The following ZNF398 variants were observed in gnomAD, a reference collection of about 807,000 sequenced individuals.
ZNF398 encodes the protein zinc finger DNA binding protein ZER6.
ZNF398 carries 18 observed loss-of-function variants against 41.9 expected under a neutral mutation model. The ratio of observed to expected loss-of-function variants is 0.43; its 90% CI spans 0.30 to 0.64. ZNF398 has a LOEUF of 0.64. ZNF398 is among the 30% of genes least tolerant of loss of function. ZNF398 has a pLI of 0.14. For missense variants in ZNF398, 669 were observed against 822.8 expected, an observed-to-expected ratio of 0.81 and a Z score of 2.29; for synonymous variants, 260 against 308.8, an observed-to-expected ratio of 0.84 and a Z score of 1.66.
chr7:149,177,466 T>G (rs1032324072), intron 5 of ZNF398, among the ~76,000 whole-genome samples: 1 of 152,132 alleles, frequency 6.6e-6, no homozygotes, highest in African/African-American at 2.4e-5. Flanking sequence ...CAGTTTTAGT[T>G]TAGGTATTTA....
At chr7:149,156,205 A>G (rs1794973172) in intron 2 of ZNF398, among the ~76,000 whole-genome samples, 1 of 151,972 alleles carries the variant, frequency 6.6e-6, no homozygotes, top group Non-Finnish European at 1.5e-5. Context: ...AGAACTGACA[A>G]TAAGAGTTAC....
intron 5 of ZNF398, among the ~76,000 whole-genome samples, chr7:149,177,077 A>T (rs1005902124): frequency 2.6e-5 from 4 of 152,156 alleles, no homozygotes; most frequent in African/African-American, 9.7e-5. Context: ...GAATCTCAAG[A>T]TCAGAAGGGT....
chr7:149,147,577 C>G lies in ZNF398; in HGVS notation c.-166C>G, dbSNP rs1201290826. On this transcript the variant is annotated 5_prime_UTR_variant, in exon 1 of 6. Coordinates refer to ENST00000475153, the MANE Select transcript of ZNF398 (RefSeq NM_170686.3). The surrounding 1 kb of genome is among the most constrained non-coding windows in gnomAD (Gnocchi z 5.6). Reference sequence around the variant, plus strand: ...GCGCCTCCGCCGCGTTCCTGCGCGTCCCGAGCCCCGACGGCCGCGTGAGTC... The same window carrying G: ...GCGCCTCCGCCGCGTTCCTGCGCGTGCCGAGCCCCGACGGCCGCGTGAGTC... 1.1e-5 allele frequency: 8 copies of G among 742,530 alleles called. No homozygotes were observed. The highest frequency in any genetic ancestry group is 3.7e-5 in the African/African-American group (2 of 53,936). The allele number at this position is 742,530 out of a possible 1,614,324, so 46.0% of individuals were successfully genotyped here.
At chr7:149,136,993 A>G (rs980378366) in intron 2 of ZNF398, among the ~76,000 whole-genome samples, 8 of 149,860 alleles carry the variant, frequency 5.3e-5, no homozygotes, top group African/African-American at 2.0e-4. Flanking sequence ...CAGCCTCCCA[A>G]GTAGCTGGGA....
chr7:149,178,863 A>G lies in ZNF398; in HGVS notation c.991A>G (p.Ser331Gly), dbSNP rs1563167604. The G allele has an allele frequency of 3.7e-6, 6 of 1,614,006 alleles. No individual in the cohort carries two copies. The highest frequency in any genetic ancestry group is 5.1e-6 in the Non-Finnish European group (6 of 1,179,988). Residue 331 changes from serine (S) to glycine (G), a missense_variant, in exon 6 of 6, where the codon AGC (serine) becomes GGC (glycine). This residue lies in a region of ZNF398 where 290 missense variants were observed against 292.9 expected (regional missense o/e 0.99). Coordinates refer to ENST00000475153, the MANE Select transcript of ZNF398 (RefSeq NM_170686.3). Reference protein sequence around the residue: ...EGQVTFTQLGSYPLPPPVGEQ... With the variant: ...EGQVTFTQLGGYPLPPPVGEQ... ...ACAAGTGACTTTTACTCAGTTGGGT[A>G]GCTATCCCCTCCCACCTCCAGTTGG...
Position 149,169,375 on chromosome 7 carries a change from G to A in ZNF398, c.661+2445G>A, listed in dbSNP as rs138980611. ...GCTGGGATTACAGGCATGAGCCACC[G>A]TGCCTGGCCTGTTATTTTCTGTTGG... On this transcript the variant is annotated intron_variant, in intron 4 of 5. Transcript: ENST00000475153. Among the ~76,000 whole-genome samples the A allele has an allele frequency of 7.3e-3, 1,110 of 152,136 alleles. 10 individuals are homozygous for A. Among genetic ancestry groups the A allele is most frequent in the African/African-American group, 0.011 (438 of 41,520 alleles).
In ZNF398 at chr7:149,179,280, C is replaced by T; in HGVS notation, c.1408C>T (p.Leu470Phe). Residue 470 changes from leucine (L) to phenylalanine (F), a missense_variant, in exon 6 of 6, where the codon CTC becomes TTC. By Grantham distance (22) the Leu-to-Phe change is conservative (BLOSUM62 0). Around this residue, in one of 3 missense-constraint regions of ZNF398, gnomAD observed 210 missense variants for 290.4 expected, o/e 0.72. Coordinates refer to ENST00000475153, the MANE Select transcript of ZNF398 (RefSeq NM_170686.3). The surrounding 1 kb of genome is among the most constrained non-coding windows in gnomAD (Gnocchi z 6.1). ...CAGGAGCTTCAGCTTGAAAATCAGC[C>T]TCCTGCTCCACCAGCGGGGTCATGC... Reference protein sequence around the residue: ...CGRSFSLKISLLLHQRGHAQE... With the variant: ...CGRSFSLKISFLLHQRGHAQE... 6.2e-7 allele frequency: 1 copy of T among 1,613,318 alleles called. No individual in the cohort carries two copies. The highest frequency in any genetic ancestry group is 8.5e-7 in the Non-Finnish European group (1 of 1,179,996).
chr7:149,156,282 G>A (rs542139158), intron 2 of ZNF398, among the ~76,000 whole-genome samples: 6 of 151,692 alleles, frequency 4.0e-5, no homozygotes, highest in South Asian at 4.2e-4. Context: ...TGAGGCGGGC[G>A]GATCATGAGG....
At chr7:149,166,635 C>T (rs893709079) in intron 3 of ZNF398, among the ~76,000 whole-genome samples, 182 bp from the exon 4 acceptor site, 1 of 152,184 alleles carries the variant, frequency 6.6e-6, no homozygotes, top group Non-Finnish European at 1.5e-5. Context: ...TACATCTCCA[C>T]TGCCTGCTTT....
intron 4 of ZNF398, among the ~76,000 whole-genome samples, chr7:149,168,554 C>A (rs1795270292): frequency 6.7e-6 from 1 of 149,616 alleles, no homozygotes; most frequent in African/African-American, 2.5e-5. Context: ...ATGTACACAT[C>A]TGCCTCACAT....
intron 2 of ZNF398, among the ~76,000 whole-genome samples, chr7:149,137,971 G>C (rs1402442207): frequency 1.3e-5 from 2 of 151,850 alleles, no homozygotes; most frequent in African/African-American, 4.8e-5. Context: ...AGGCCGAGGC[G>C]GGCGGATCAC....
intron 5 of ZNF398, among the ~76,000 whole-genome samples, chr7:149,176,914 G>T (rs1484127163): frequency 2.6e-5 from 4 of 151,922 alleles, no homozygotes; most frequent in African/African-American, 9.7e-5. Flanking sequence ...AGTGGGGTGG[G>T]GAGACAAGCC....
At chr7:149,162,297 G>A (rs562003641) in intron 2 of ZNF398, among the ~76,000 whole-genome samples, 40 of 151,916 alleles carry the variant, frequency 2.6e-4, no homozygotes, top group African/African-American at 8.9e-4. Context: ...TTCTCCTGCC[G>A]CAGCCTCCCG....
intron 2 of ZNF398, among the ~76,000 whole-genome samples, chr7:149,155,601 GA>G (rs1381945981): frequency 1.3e-5 from 2 of 150,616 alleles, no homozygotes; most frequent in Admixed American, 1.3e-4. Context: ...GGGCATTTAA[GA>G]CCAAGGAAAG....
intron 4 of ZNF398, among the ~76,000 whole-genome samples, chr7:149,170,693 C>A (rs1795315707): frequency 6.6e-6 from 1 of 151,872 alleles, no homozygotes; most frequent in African/African-American, 2.4e-5. Context: ...CGAGATTACA[C>A]CACTGCACTC....
chr7:149,140,108 T>C (rs1260933174), intron 2 of ZNF398, among the ~76,000 whole-genome samples: 1 of 152,206 alleles, frequency 6.6e-6, no homozygotes, highest in Non-Finnish European at 1.5e-5. Context: ...TATGAATATA[T>C]ATTTAATACT....
At chr7:149,145,930 T>G (rs1826928199), upstream of ZNF398, among the ~76,000 whole-genome samples, 3 of 148,642 alleles carry the variant, frequency 2.0e-5, no homozygotes, top group South Asian at 2.1e-4. Context: ...AAACACTTTG[T>G]TCTCGCAGGT....
Position 149,147,779 on chromosome 7 carries a change from G to C in ZNF398, c.24+13G>C. The C allele has an allele frequency of 1.4e-6, 2 of 1,394,432 alleles. No homozygotes were observed. Among genetic ancestry groups the C allele is most frequent in the Non-Finnish European group, 1.9e-6 (2 of 1,072,000 alleles). 86.4% of individuals were successfully genotyped at this position (1,394,432 alleles called of 1,614,324 possible). The stretch of plus-strand genomic sequence containing the variant: ...GGCCCCGGCCCCGGTAAGGGCGGCC[G>C]CGCGCGAGTGTTGTGAGCCCCCGAG... On this transcript the variant is annotated intron_variant, in intron 1 of 5. Transcript: ENST00000475153. This position sits in a 1 kb window ranked among gnomAD's most constrained non-coding sequence, Gnocchi z 5.6.
chr7:149,130,388 G>A (rs1484989117), intron 2 of ZNF398, among the ~76,000 whole-genome samples: 2 of 152,194 alleles, frequency 1.3e-5, no homozygotes, highest in Non-Finnish European at 1.5e-5. Flanking sequence ...GAGCAACTGT[G>A]CCCAGCCTTT....
Sources: allele counts gnomAD v4.1 joint callset (sites outside exome capture counted in the v4.1 genomes callset), GRCh38; gene constraint gnomAD v4.1.1; regional missense constraint gnomAD v4.1.1; non-coding constraint Gnocchi (gnomAD v3.1); transcripts MANE v1.5; gene names NCBI Gene and HGNC (gene_info 2026-07-23, HGNC 2026-07-21).